Variants in COL4A6 observed in about 807,000 individuals in gnomAD.
COL4A6 encodes collagen type IV alpha 6 chain.
COL4A6 carries 59 observed loss-of-function variants against 126.7 expected under a neutral mutation model. That is an observed-to-expected ratio of 0.47 (90% CI 0.38 to 0.58). The LOEUF (loss-of-function observed/expected upper bound fraction) is 0.58. Among genes scored for constraint, COL4A6 ranks in the 20% least tolerant of loss-of-function variants. COL4A6 has a pLI of 0.00. For synonymous variants in COL4A6, 547 were observed against 496.6 expected (o/e 1.10, Z -1.35); for missense variants, 1,285 against 1,337.3 (o/e 0.96, Z 0.61).
chrX:108,297,970 CCA>C (rs755481604), intron 3 of COL4A6, among the ~76,000 whole-genome samples: 48 of 105,156 alleles, frequency 4.6e-4, no homozygotes, highest in Admixed American at 1.5e-3. Context: ...AGTACACACA[CCA>C]CACACACACA....
At chrX:108,427,354 T>C (rs1009711283) in intron 2 of COL4A6, among the ~76,000 whole-genome samples, 1 of 111,330 alleles carries the variant, frequency 9.0e-6, no homozygotes, top group Admixed American at 9.6e-5. Context: ...AAATAAATAT[T>C]AGTTGAAGGG....
chrX:108,156,771 T>G lies in COL4A6; in HGVS notation c.*229A>C, dbSNP rs969142528. 4.7e-6 allele frequency: 2 copies of G among 421,887 alleles called. No homozygotes were observed. Among genetic ancestry groups the G allele is most frequent in the Admixed American group, 4.2e-5 (1 of 23,532 alleles). 34.8% of individuals were successfully genotyped at this position (421,887 alleles called of 1,213,427 possible). On this transcript the variant is annotated 3_prime_UTR_variant, in exon 45 of 45. Coordinates refer to ENST00000334504, the MANE Select transcript of COL4A6 (RefSeq NM_033641.4). ...TCACACAATCATCCAAATCAAACAG[T>G]AGCACCAGCTTGACAGAAACAGGAC...
At chrX:108,254,649 G>A (rs1020238845) in intron 3 of COL4A6, among the ~76,000 whole-genome samples, 4 of 111,345 alleles carry the variant, frequency 3.6e-5, no homozygotes, top group African/African-American at 1.3e-4. Flanking sequence ...TCAATCAATT[G>A]TACATGTTAA....
chrX:108,187,348 A>C, intron 22 of COL4A6, 69 bp from the exon 23 acceptor site: 2 of 891,291 alleles, frequency 2.2e-6, no homozygotes, highest in Non-Finnish European at 1.5e-6. Context: ...CTCTGACTAC[A>C]GGAAAGAGGT....
intron 5 of COL4A6, among the ~76,000 whole-genome samples, chrX:108,214,950 A>AGTCTACCCTTTTG (rs1392293131): frequency 8.9e-6 from 1 of 111,998 alleles, no homozygotes; most frequent in Non-Finnish European, 1.9e-5. Context: ...TGGTACATAG[A>AGTCTACCCTTTTG]GTCTACCCTT....
intron 42 of COL4A6, among the ~76,000 whole-genome samples, 182 bp downstream of exon 42, chrX:108,161,437 A>G (rs749121196): frequency 2.0e-4 from 22 of 111,691 alleles, no homozygotes; most frequent in Non-Finnish European, 4.0e-4. Flanking sequence ...ATCCCTTCAC[A>G]GGCTCAGAGG....
intron 4 of COL4A6, among the ~76,000 whole-genome samples, chrX:108,220,799 C>T (rs1268113467): frequency 8.9e-6 from 1 of 112,756 alleles, no homozygotes; most frequent in Non-Finnish European, 1.9e-5. Flanking sequence ...CAGGCCATCA[C>T]CCATCCCATC....
chrX:108,162,161 C>A (rs1377392042), intron 41 of COL4A6, among the ~76,000 whole-genome samples: 1 of 111,343 alleles, frequency 9.0e-6, no homozygotes, highest in Non-Finnish European at 1.9e-5. Flanking sequence ...ACCAGCCTGG[C>A]CAACATGGGG....
intron 2 of COL4A6, among the ~76,000 whole-genome samples, chrX:108,381,504 T>C (rs1172485271): frequency 8.9e-6 from 1 of 112,299 alleles, no homozygotes; most frequent in Non-Finnish European, 1.9e-5. Context: ...ATTATATCAA[T>C]ACTTTCAGAC....
intron 3 of COL4A6, among the ~76,000 whole-genome samples, chrX:108,226,349 C>T (rs371874878): frequency 1.8e-5 from 2 of 111,764 alleles, no homozygotes; most frequent in Non-Finnish European, 3.8e-5. Context: ...CATCATTGAG[C>T]GACCCTCTTT....
At chrX:108,428,015 G>A (rs2064115866) in intron 2 of COL4A6, among the ~76,000 whole-genome samples, 1 of 111,577 alleles carries the variant, frequency 9.0e-6, no homozygotes, top group Non-Finnish European at 1.9e-5. Flanking sequence ...TTATGGTGGT[G>A]AAATTGGGAT....
At chrX:108,280,532 C>A (rs1438450314) in intron 3 of COL4A6, among the ~76,000 whole-genome samples, 1 of 111,629 alleles carries the variant, frequency 9.0e-6, no homozygotes, top group African/African-American at 3.3e-5. Flanking sequence ...AGTCCAGGAC[C>A]AGATAGATTC....
chrX:108,159,571 G>C lies in COL4A6; in HGVS notation c.4703C>G (p.Ser1568Cys), dbSNP rs778045981. The C allele has an allele frequency of 1.7e-6, 2 of 1,211,004 alleles. No individual in the cohort carries two copies. Among genetic ancestry groups the C allele is most frequent in the South Asian group, 1.8e-5 (1 of 56,837 alleles). The change falls in exon 44 of 45, where the codon TCT becomes TGT. Residue 1568 changes from serine (S) to cysteine (C), a missense_variant. By Grantham distance (112) the Ser-to-Cys change is moderately radical (BLOSUM62 -1). Coordinates refer to ENST00000334504, the MANE Select transcript of COL4A6 (RefSeq NM_033641.4). ...TQIPQYISRC[S>C]VCEAPSQAIA... ...GGCTTGCGAGGGTGCCTCACACACA[G>C]AGCAGCGGCTGATGTACTGGGGAAT...
chrX:108,323,675 G>T (rs1040649536), intron 2 of COL4A6, among the ~76,000 whole-genome samples: 2 of 111,120 alleles, frequency 1.8e-5, no homozygotes, highest in African/African-American at 6.6e-5. Flanking sequence ...TTTCCTTTTT[G>T]TAAAAACTTT....
intron 3 of COL4A6, among the ~76,000 whole-genome samples, chrX:108,270,299 A>C (rs1299255867): frequency 1.8e-5 from 2 of 112,341 alleles, no homozygotes; most frequent in Non-Finnish European, 3.8e-5. Flanking sequence ...CCATTCATTG[A>C]CTCTGGGTTC....
chrX:108,212,395 A>G (rs1226160759), intron 6 of COL4A6, among the ~76,000 whole-genome samples: 1 of 111,375 alleles, frequency 9.0e-6, no homozygotes, highest in Non-Finnish European at 1.9e-5. Context: ...CTAACATGAA[A>G]AATGGTTCAA....
intron 2 of COL4A6, among the ~76,000 whole-genome samples, chrX:108,334,358 T>C (rs1187915829): frequency 8.9e-6 from 1 of 111,750 alleles, no homozygotes; most frequent in Non-Finnish European, 1.9e-5. Context: ...AAGTAGTGAA[T>C]ACAGTGGGCA....
At chrX:108,403,798 T>C (rs2148215006) in intron 2 of COL4A6, among the ~76,000 whole-genome samples, 1 of 111,907 alleles carries the variant, frequency 8.9e-6, no homozygotes, top group East Asian at 2.8e-4. Flanking sequence ...GGTGACTTAC[T>C]TCCTCAGTAC....
chrX:108,270,019 C>CTTGGAATTCCATA (rs2037407045), intron 3 of COL4A6, among the ~76,000 whole-genome samples: 1 of 111,854 alleles, frequency 8.9e-6, no homozygotes, highest in Non-Finnish European at 1.9e-5. Flanking sequence ...GTTCATACAG[C>CTTGGAATTCCATA]CTCTTATGGA....
Sources: allele counts gnomAD v4.1 joint callset (sites outside exome capture counted in the v4.1 genomes callset), GRCh38; gene constraint gnomAD v4.1.1; transcripts MANE v1.5; gene names NCBI Gene and HGNC (gene_info 2026-07-23, HGNC 2026-07-21).